The following PRDM16 variants were observed in gnomAD, a reference collection of about 807,000 sequenced individuals.
PRDM16 encodes histone-lysine N-methyltransferase PRDM16.
A neutral mutation model predicts 110.6 loss-of-function variants in PRDM16; 23 were observed. The ratio of observed to expected loss-of-function variants is 0.21; its 90% CI spans 0.15 to 0.29. PRDM16 has a LOEUF of 0.29. PRDM16 is among the 10% of genes least tolerant of loss of function. The pLI is 1.00. For synonymous variants in PRDM16, 799 were observed against 781.8 expected (o/e 1.02, Z -0.37); for missense variants, 1,615 against 1,794.3 (o/e 0.90, Z 1.81).
At chr1:3,242,185 G>A (rs537657888) in intron 2 of PRDM16, among the ~76,000 whole-genome samples, 43 of 152,344 alleles carry the variant, frequency 2.8e-4, no homozygotes, top group Non-Finnish European at 4.7e-4. Context: ...ACAGGGCGGG[G>A]AGGGCAGGGC....
chr1:3,308,689 C>T (rs1240676751), intron 3 of PRDM16: 4 of 152,266 alleles, frequency 2.6e-5, no homozygotes, highest in African/African-American at 9.6e-5. Flanking sequence ...TCTGCCATGT[C>T]TTCTTGCTAC....
chr1:3,420,060 C>T (rs923888808), intron 12 of PRDM16, among the ~76,000 whole-genome samples: 3 of 152,028 alleles, frequency 2.0e-5, no homozygotes, highest in African/African-American at 7.2e-5. Context: ...TTCTGGACAG[C>T]GTTGTGTGCT....
intron 8 of PRDM16, among the ~76,000 whole-genome samples, chr1:3,410,371 G>A (rs1643665259): frequency 6.6e-6 from 1 of 152,168 alleles, no homozygotes; most frequent in Non-Finnish European, 1.5e-5. Context: ...GCCAGAGCCG[G>A]GCACTGCCGC....
chr1:3,239,218 CGAGAGT>C (rs1309671168), intron 2 of PRDM16, among the ~76,000 whole-genome samples: 7 of 152,188 alleles, frequency 4.6e-5, no homozygotes, highest in Non-Finnish European at 7.3e-5. Context: ...CATTCCTCTC[CGAGAGT>C]GAGATGACCC....
rs116201975 is a variant in PRDM16, at chr1:3,377,393, C to T, written c.439-7759C>T. Among the ~76,000 whole-genome samples the T allele has an allele frequency of 9.3e-3, 1,411 of 152,354 alleles. 24 individuals are homozygous for T. Among genetic ancestry groups the T allele is most frequent in the African/African-American group, 0.032 (1,333 of 41,582 alleles). On this transcript the variant is annotated intron_variant, in intron 3 of 16. Coordinates refer to ENST00000270722, the MANE Select transcript of PRDM16 (RefSeq NM_022114.4). ...ACCCTGGACGGGGCCGGCGGCTGGCCATGCCCACTGAACCTGGAGGACCAG... is the reference window on the plus strand; with the variant it reads ...ACCCTGGACGGGGCCGGCGGCTGGCTATGCCCACTGAACCTGGAGGACCAG...
At position 3,411,744 on chromosome 1, in the gene PRDM16, G is replaced by A; in HGVS notation, c.1547G>A (p.Gly516Asp). ...CCCGCACTCACCCCCGGCTTCCCGG[G>A]CATCTTCCCTCCATCCTTGTACCCC... ...TFPALTPGFPGIFPPSLYPRP... is the reference protein window; with the variant it reads ...TFPALTPGFPDIFPPSLYPRP... Residue 516 changes from glycine (G) to aspartate (D), a missense_variant, in exon 9 of 17, where the codon GGC becomes GAC. Transcript: ENST00000270722. 6.2e-7 allele frequency: 1 copy of A among 1,611,650 alleles called. No individual in the cohort carries two copies. Among genetic ancestry groups the A allele is most frequent in the East Asian group, 2.2e-5 (1 of 44,836 alleles).
In PRDM16 at chr1:3,201,835, T is replaced by C. The variant is rs1351960718; in HGVS notation, c.387+15361T>C. Among the ~76,000 whole-genome samples the C allele has an allele frequency of 2.6e-5, 4 of 152,236 alleles. No homozygotes were observed. Among genetic ancestry groups the C allele is most frequent in the Non-Finnish European group, 5.9e-5 (4 of 68,038 alleles). On this transcript the variant is annotated intron_variant, in intron 2 of 16. Coordinates refer to ENST00000270722, the MANE Select transcript of PRDM16 (RefSeq NM_022114.4). The surrounding 1 kb of genome is among the most constrained non-coding windows in gnomAD (Gnocchi z 4.1). ...TTGGTGTCTCCCGCCCACTTCTGTG[T>C]CCACTGCAGAGCCTGCGGCTTCCCA...
chr1:3,248,017 C>T (rs759856762), intron 3 of PRDM16, among the ~76,000 whole-genome samples: 7 of 152,134 alleles, frequency 4.6e-5, no homozygotes, highest in African/African-American at 7.2e-5. Context: ...CCGCCGGAGC[C>T]GGTAATAAAA....
intron 1 of PRDM16, among the ~76,000 whole-genome samples, chr1:3,071,168 G>A (rs1204560475): frequency 6.6e-6 from 1 of 152,244 alleles, no homozygotes; most frequent in Admixed American, 6.5e-5. Flanking sequence ...GAAACCGGCC[G>A]CGCTGACGCC....
At position 3,220,012 on chromosome 1, in the gene PRDM16, T is replaced by C. The variant is rs1435885490; in HGVS notation, c.388-24075T>C. On this transcript the variant is annotated intron_variant, in intron 2 of 16. Coordinates refer to ENST00000270722, the MANE Select transcript of PRDM16 (RefSeq NM_022114.4). The stretch of plus-strand genomic sequence containing the variant: ...CGCTGAGGTAATAATGAGCCTCTCC[T>C]GAAAACCATTGACCACGTAACCTCA... 5.9e-5 allele frequency among the ~76,000 whole-genome samples: 9 copies of C among 152,180 alleles called. No individual in the cohort carries two copies. In the East Asian group the frequency reaches 1.7e-3, roughly 29 times the overall value.
intron 2 of PRDM16, among the ~76,000 whole-genome samples, chr1:3,235,438 G>A (rs956655242): frequency 2.6e-5 from 4 of 152,278 alleles, no homozygotes; most frequent in Admixed American, 1.3e-4. Flanking sequence ...TCAATCTTCC[G>A]GAAGCAGAAG....
intron 1 of PRDM16, among the ~76,000 whole-genome samples, chr1:3,163,976 C>T (rs1362615787): frequency 6.6e-6 from 1 of 152,210 alleles, no homozygotes. Flanking sequence ...AGCCCTGGGG[C>T]CCAGGGGACG....
chr1:3,145,156 G>A (rs931198433), intron 1 of PRDM16, among the ~76,000 whole-genome samples: 19 of 152,230 alleles, frequency 1.2e-4, no homozygotes, highest in Non-Finnish European at 2.4e-4. Flanking sequence ...CCTAGGAGCC[G>A]TGTGCCTGGT....
chr1:3,427,164 A>G (rs1417316620), intron 14 of PRDM16, among the ~76,000 whole-genome samples: 3 of 152,218 alleles, frequency 2.0e-5, no homozygotes, highest in Non-Finnish European at 2.9e-5. Flanking sequence ...ATGTCGGCGC[A>G]TGCTCTGTGC....
chr1:3,220,179 C>T (rs1454359536), intron 2 of PRDM16, among the ~76,000 whole-genome samples: 2 of 152,196 alleles, frequency 1.3e-5, no homozygotes, highest in Admixed American at 6.5e-5. Flanking sequence ...GCCGTGCCCA[C>T]GCCGTCACTC....
rs114154821 is a variant in PRDM16 at position 3,223,219 on chromosome 1, G to C, written c.388-20868G>C. ...CCGAAAATCAAGGCTTCTTTCTGGA[G>C]TCTGGGAATTAGCAAATGAACACAC... On this transcript the variant is annotated intron_variant, in intron 2 of 16. Transcript: ENST00000270722. Among the ~76,000 whole-genome samples the C allele has an allele frequency of 9.6e-3, 1,431 of 148,928 alleles. 26 individuals are homozygous for C. The highest frequency in any genetic ancestry group is 0.034 in the African/African-American group (1,353 of 39,522).
At chr1:3,114,362 ACG>A (rs199524152) in intron 1 of PRDM16, among the ~76,000 whole-genome samples, 1,434 of 140,080 alleles carry the variant, frequency 0.01, 18 homozygotes, top group Middle Eastern at 0.038. Context: ...ACATGCACAC[ACG>A]CACACACGCA....
At chr1:3,139,898 C>T (rs772580209) in intron 1 of PRDM16, among the ~76,000 whole-genome samples, 7 of 152,240 alleles carry the variant, frequency 4.6e-5, no homozygotes, top group Admixed American at 1.3e-4. Context: ...GCTGTCCCCT[C>T]GCCGGGCTCT....
intron 3 of PRDM16, chr1:3,308,146 G>A (rs565403472): frequency 2.6e-5 from 4 of 152,348 alleles, no homozygotes; most frequent in East Asian, 3.9e-4. Flanking sequence ...TTCCAAGGAC[G>A]GGGCAGTGAT....
Sources: gnomAD v4.1 joint callset for allele counts (sites outside exome capture counted in the v4.1 genomes callset) on GRCh38, gnomAD v4.1.1 for gene constraint, Gnocchi (gnomAD v3.1) non-coding constraint, MANE v1.5 for transcripts, NCBI Gene and HGNC (gene_info 2026-07-23, HGNC 2026-07-21) for gene names.